CDH13: variants seen among roughly 807,000 people sequenced by gnomAD.
CDH13 encodes the protein cadherin-13.
Under a neutral mutation model 63.8 loss-of-function variants are expected in CDH13, and 24 were observed. That is an observed-to-expected ratio of 0.38 (90% confidence interval 0.27 to 0.53). The LOEUF (loss-of-function observed/expected upper bound fraction) is 0.53, where lower values mean the gene tolerates loss of function less well. Among genes scored for constraint, CDH13 ranks in the 20% least tolerant of loss-of-function variants. CDH13 has a pLI of 0.85. For synonymous variants in CDH13, 503 were observed against 355.3 expected, an observed-to-expected ratio of 1.42 and a Z score of -4.67; for missense variants, 1,049 against 903.1, an observed-to-expected ratio of 1.16 and a Z score of -2.07.
chr16:83,102,240 G>C (rs2034514861), intron 3 of CDH13, among the ~76,000 whole-genome samples: 2 of 152,232 alleles, frequency 1.3e-5, no homozygotes, highest in South Asian at 2.1e-4. Flanking sequence ...AGGAAGGTCT[G>C]TTTGGGACAT....
intron 2 of CDH13, among the ~76,000 whole-genome samples, chr16:83,031,589 TCTC>T (rs771218429): frequency 2.0e-5 from 3 of 151,956 alleles, no homozygotes; most frequent in Non-Finnish European, 4.4e-5. Context: ...GGCCTTCTCA[TCTC>T]CTACTTATCT....
intron 2 of CDH13, among the ~76,000 whole-genome samples, chr16:82,882,303 C>G (rs1472580476): frequency 6.6e-6 from 1 of 152,150 alleles, no homozygotes; most frequent in Non-Finnish European, 1.5e-5. Flanking sequence ...ATCCTTCCAG[C>G]CTGGGTACTA....
Position 83,644,268 on chromosome 16 carries a change from CT to C in CDH13, c.1102-26521del, listed in dbSNP as rs547252991. On this transcript the variant is annotated intron_variant, in intron 8 of 13. Transcript: ENST00000567109. ...TGGTCCAATATAACGGATTTCCCTT[CT>C]GATCCATAATGCCAAACAATATGCT... Among the ~76,000 whole-genome samples, 68 of 152,324 alleles carry C rather than the reference CT, an allele frequency of 4.5e-4. 1 individual carries two copies. In the South Asian group the frequency reaches 0.013, roughly 30 times the overall value.
chr16:82,860,399 G>GC (rs71382853), intron 2 of CDH13, among the ~76,000 whole-genome samples: 1 of 122,508 alleles, frequency 8.2e-6, no homozygotes, highest in East Asian at 2.7e-4. Flanking sequence ...GGGGGGGGGG[G>GC]CGGCGGTGTG....
intron 6 of CDH13, among the ~76,000 whole-genome samples, chr16:83,368,912 A>T (rs1178871760): frequency 1.3e-5 from 1 of 76,062 alleles, no homozygotes; most frequent in Admixed American, 1.2e-4. Context: ...ATATATATAT[A>T]TATATATATA....
chr16:83,489,698 C>T (rs980300628), intron 7 of CDH13, among the ~76,000 whole-genome samples: 3 of 152,142 alleles, frequency 2.0e-5, no homozygotes, highest in African/African-American at 7.2e-5. Context: ...CTTTCTTCAG[C>T]AGGTTTGTGA....
chr16:83,402,434 G>A lies in CDH13; in HGVS notation c.781+57428G>A, dbSNP rs972726718. ...TATCCAGGATTCCTTAAATCCACCAGGCTCTGAGCCAGACTGCATTTACCA... is the reference window on the plus strand; with the variant it reads ...TATCCAGGATTCCTTAAATCCACCAAGCTCTGAGCCAGACTGCATTTACCA... On this transcript the variant is annotated intron_variant, in intron 6 of 13. Coordinates refer to ENST00000567109, the MANE Select transcript of CDH13 (RefSeq NM_001257.5). Among the ~76,000 whole-genome samples the A allele has an allele frequency of 3.3e-5, 5 of 152,150 alleles. No individual in the cohort carries two copies. The East Asian group carries it at 9.6e-4, about 29-fold the overall frequency.
chr16:83,047,268 G>A lies in CDH13; in HGVS notation c.366+15050G>A, dbSNP rs941296435. 5.3e-5 allele frequency among the ~76,000 whole-genome samples: 8 copies of A among 151,956 alleles called. No individual in the cohort carries two copies. Among genetic ancestry groups the A allele is most frequent in the South Asian group, 2.1e-4 (1 of 4,820 alleles). On this transcript the variant is annotated intron_variant, in intron 3 of 13. Coordinates refer to ENST00000567109, the MANE Select transcript of CDH13 (RefSeq NM_001257.5). The surrounding 1 kb of genome is among the most constrained non-coding windows in gnomAD (Gnocchi z 4.9). Reference sequence around the variant, plus strand: ...TTATTTATTTATTTTTTTGGTAAAGGCCTCTGCTGTGAATTTAAGTCATCT... The same window carrying A: ...TTATTTATTTATTTTTTTGGTAAAGACCTCTGCTGTGAATTTAAGTCATCT...
intron 5 of CDH13, among the ~76,000 whole-genome samples, chr16:83,334,623 G>T (rs548601397): frequency 2.0e-5 from 3 of 151,596 alleles, no homozygotes; most frequent in Non-Finnish European, 4.4e-5. Context: ...CATTCCTCCC[G>T]CCTTAGCCCT....
At chr16:83,214,469 A>G (rs535311921) in intron 4 of CDH13, among the ~76,000 whole-genome samples, 2 of 142,720 alleles carry the variant, frequency 1.4e-5, no homozygotes, top group African/African-American at 5.1e-5. Context: ...AGTTCCACCT[A>G]CTTAGGGGGC....
intron 6 of CDH13, among the ~76,000 whole-genome samples, chr16:83,475,765 A>G (rs1309320476): frequency 6.6e-6 from 1 of 152,140 alleles, no homozygotes; most frequent in African/African-American, 2.4e-5. Flanking sequence ...TTGCATTTTT[A>G]GTAGAGAAAG....
At chr16:83,285,477 A>C (rs1189405955) in intron 5 of CDH13, among the ~76,000 whole-genome samples, 1 of 152,158 alleles carries the variant, frequency 6.6e-6, no homozygotes, top group African/African-American at 2.4e-5. Flanking sequence ...ACAGATATCC[A>C]CAGGTTCCAA....
intron 10 of CDH13, among the ~76,000 whole-genome samples, chr16:83,730,400 G>A (rs1449739729): frequency 6.6e-6 from 1 of 152,172 alleles, no homozygotes; most frequent in Non-Finnish European, 1.5e-5. Context: ...ATTAGAGGAA[G>A]AATTTCTGGG....
intron 2 of CDH13, among the ~76,000 whole-genome samples, chr16:82,932,030 C>G (rs2042513141): frequency 6.6e-6 from 1 of 152,036 alleles, no homozygotes; most frequent in Admixed American, 6.5e-5. Flanking sequence ...TGTACGATAG[C>G]TTGTGGGGGG....
intron 5 of CDH13, among the ~76,000 whole-genome samples, chr16:83,288,139 A>G (rs2089369174): frequency 6.6e-6 from 1 of 152,206 alleles, no homozygotes. Flanking sequence ...GCGTTAAAAT[A>G]GTACATATCT....
intron 5 of CDH13, among the ~76,000 whole-genome samples, chr16:83,297,664 A>T (rs2089634593): frequency 6.6e-6 from 1 of 152,202 alleles, no homozygotes; most frequent in Admixed American, 6.5e-5. Context: ...ACTGACAAAG[A>T]CATAACTTCA....
rs60615404 is a variant in CDH13, at chr16:83,651,613, T to G, written c.1102-19177T>G. Among the ~76,000 whole-genome samples, 574 of 132,658 alleles carry G rather than the reference T, an allele frequency of 4.3e-3. 6 individuals are homozygous for G. The highest frequency in any genetic ancestry group is 0.015 in the African/African-American group (549 of 36,484). 87.0% of individuals were successfully genotyped at this position (132,658 alleles called of 152,430 possible). The stretch of plus-strand genomic sequence containing the variant: ...CTTTTTTTTTTTTTTTTTTTTTTTT[T>G]GAGATGGAATCTTGCTCTGTCACCC... On this transcript the variant is annotated intron_variant, in intron 8 of 13. Coordinates refer to ENST00000567109, the MANE Select transcript of CDH13 (RefSeq NM_001257.5).
rs987869824 is a variant in CDH13 at position 83,417,558 on chromosome 16, T to C, written c.782-68919T>C. 8.5e-5 allele frequency among the ~76,000 whole-genome samples: 13 copies of C among 152,286 alleles called. No homozygotes were observed. The East Asian group carries it at 1.7e-3, about 20-fold the overall frequency. On this transcript the variant is annotated intron_variant, in intron 6 of 13. Transcript: ENST00000567109. ...CTCAGTTGCCATTTGGAAACGAAAA[T>C]AGAATTTTCAGCTTGATAACATTAA...
intron 7 of CDH13, among the ~76,000 whole-genome samples, chr16:83,564,396 C>CTGTTTTTTT (rs1567767607): frequency 2.0e-5 from 1 of 49,848 alleles, no homozygotes. Flanking sequence ...TATGGGATGA[C>CTGTTTTTTT]TCTTTTTTTT....
Sources: allele counts gnomAD v4.1 joint callset (sites outside exome capture counted in the v4.1 genomes callset), GRCh38; gene constraint gnomAD v4.1.1; non-coding constraint Gnocchi (gnomAD v3.1); transcripts MANE v1.5; gene names NCBI Gene and HGNC (gene_info 2026-07-23, HGNC 2026-07-21).